DOCK6: variants seen among roughly 807,000 people sequenced by gnomAD.
DOCK6 encodes dedicator of cytokinesis 6, also known as dedicator of cytokinesis protein 6.
Under a neutral mutation model 230.3 loss-of-function variants are expected in DOCK6, and 167 were observed. The observed-to-expected ratio is 0.73, with a 90% CI of 0.64 to 0.82. The LOEUF is 0.82. Among genes scored for constraint, DOCK6 ranks in the 40% least tolerant of loss-of-function variants. The probability of loss-of-function intolerance (pLI) is 0.00; values close to 1 mark genes in which losing one functional copy is unlikely to be tolerated. For missense variants in DOCK6, 2,598 were observed against 2,825.8 expected (o/e 0.92, Z 1.83); for synonymous variants, 1,148 against 1,185.0 (o/e 0.97, Z 0.64).
At chr19:11,208,457 T>A in intron 39 of DOCK6, 1 of 447,280 alleles carries the variant, frequency 2.2e-6, no homozygotes, top group Non-Finnish European at 3.9e-6. Context: ...ATTTTTGTAT[T>A]TTTAGTAGAG....
In DOCK6 at chr19:11,235,476, C is replaced by G. The variant is rs1221887826; in HGVS notation, c.2554+122G>C. 12 of 1,006,718 alleles carry G rather than the reference C, an allele frequency of 1.2e-5. No individual in the cohort carries two copies. In the Admixed American group the frequency reaches 3.5e-4, roughly 30 times the overall value. The allele number at this position is 1,006,718 out of a possible 1,614,324, so 62.4% of individuals were successfully genotyped here. A position where few individuals can be genotyped will look rare whatever the true frequency, so the allele number is the denominator to read the frequency against. On this transcript the variant is annotated intron_variant, in intron 21 of 47. Coordinates refer to ENST00000294618, the MANE Select transcript of DOCK6 (RefSeq NM_020812.4). ...ATGTTGGCCAAGTTGATCTCGAACTCCTGACCTCAAATGATCCATCCAGCT... is the reference window on the plus strand; with the variant it reads ...ATGTTGGCCAAGTTGATCTCGAACTGCTGACCTCAAATGATCCATCCAGCT...
chr19:11,199,604 C>T, intron 47 of DOCK6, 65 bp from the exon 48 acceptor site: 1 of 1,490,882 alleles, frequency 6.7e-7, no homozygotes, highest in Non-Finnish European at 9.2e-7. Context: ...ACCTCCCAGC[C>T]CACATCCTCT....
In DOCK6 at chr19:11,201,477, C is replaced by T. The variant is rs1457031137; in HGVS notation, c.5688+412G>A. 6.6e-6 allele frequency among the ~76,000 whole-genome samples: 1 copy of T among 151,346 alleles called. No individual in the cohort carries two copies. The highest frequency in any genetic ancestry group is 1.5e-5 in the Non-Finnish European group (1 of 67,844). ...GCCTCCCCTTTGTGAGTCTAGAATCCCTGGGTCCTCCTGGGTCTGGAGGTA... is the reference window on the plus strand; with the variant it reads ...GCCTCCCCTTTGTGAGTCTAGAATCTCTGGGTCCTCCTGGGTCTGGAGGTA... On this transcript the variant is annotated intron_variant, in intron 44 of 47. Coordinates refer to ENST00000294618, the MANE Select transcript of DOCK6 (RefSeq NM_020812.4). The surrounding 1 kb of genome is among the most constrained non-coding windows in gnomAD (Gnocchi z 4.3).
chr19:11,217,399 G>A lies in DOCK6; in HGVS notation c.3551-8C>T, dbSNP rs1191469253. The A allele has an allele frequency of 1.9e-6, 3 of 1,611,528 alleles. No homozygotes were observed. The highest frequency in any genetic ancestry group is 2.2e-5 in the South Asian group (2 of 90,612). ...ACCGCTGACCTGGGCCCTCTGGCAG[G>A]GAAAGACAGAGGGAAAGAAAGATAA... is the stretch of plus-strand genomic sequence containing the variant. On this transcript the variant is annotated splice_region_variant and splice_polypyrimidine_tract_variant and intron_variant, in intron 28 of 47. Transcript: ENST00000294618.
chr19:11,205,552 C>T (rs187339209), intron 39 of DOCK6, among the ~76,000 whole-genome samples: 3 of 152,278 alleles, frequency 2.0e-5, no homozygotes, highest in South Asian at 4.1e-4. Context: ...ACCATATTGG[C>T]CAGGCTGGTC....
intron 1 of DOCK6, among the ~76,000 whole-genome samples, chr19:11,261,127 G>A (rs1409075331): frequency 6.6e-6 from 1 of 151,860 alleles, no homozygotes; most frequent in Non-Finnish European, 1.5e-5. Flanking sequence ...CAAAGTCAAA[G>A]TCCCTTGCAC....
At chr19:11,224,215 T>TCTCTCTCTCTCTCTCTCTC (rs2079627621) in intron 24 of DOCK6, among the ~76,000 whole-genome samples, 1 of 143,474 alleles carries the variant, frequency 7.0e-6, no homozygotes, top group African/African-American at 2.5e-5. Flanking sequence ...TCTTTCTTTC[T>TCTCTCTCTCTCTCTCTCTC]TTTTTTTTTT....
At chr19:11,257,296 C>A (rs2080213025) in intron 1 of DOCK6, among the ~76,000 whole-genome samples, 1 of 148,726 alleles carries the variant, frequency 6.7e-6, no homozygotes, top group Non-Finnish European at 1.5e-5. Context: ...TGTGCCTGGC[C>A]TCTGACCCTG....
chr19:11,226,299 G>C (rs998056917), intron 24 of DOCK6, among the ~76,000 whole-genome samples: 2 of 152,170 alleles, frequency 1.3e-5, no homozygotes, highest in African/African-American at 4.8e-5. Flanking sequence ...CGATGCCTCA[G>C]TTTCCCCATC....
intron 1 of DOCK6, among the ~76,000 whole-genome samples, chr19:11,261,915 C>T (rs367742083): frequency 4.6e-5 from 7 of 151,878 alleles, no homozygotes; most frequent in Admixed American, 2.6e-4. Flanking sequence ...GGGTTTCAAA[C>T]GCCACCAAGG....
At chr19:11,205,370 A>ATT (rs913815037) in intron 39 of DOCK6, among the ~76,000 whole-genome samples, 1 of 146,422 alleles carries the variant, frequency 6.8e-6, no homozygotes, top group Non-Finnish European at 1.5e-5. Context: ...CCACCCGTGT[A>ATT]TTTTTTTTTT....
chr19:11,256,224 C>T (rs1436151142), intron 1 of DOCK6, among the ~76,000 whole-genome samples: 2 of 152,170 alleles, frequency 1.3e-5, no homozygotes, highest in Non-Finnish European at 1.5e-5. Flanking sequence ...CTGCTGCCTC[C>T]AGAACCGTGG....
intron 7 of DOCK6, among the ~76,000 whole-genome samples, chr19:11,246,916 C>T (rs1224990345): frequency 2.0e-5 from 3 of 152,166 alleles, no homozygotes; most frequent in African/African-American, 4.8e-5. Context: ...TCAGCCAGCT[C>T]CTCTTCCTCA....
intron 1 of DOCK6, among the ~76,000 whole-genome samples, chr19:11,261,987 G>A (rs2080298125): frequency 6.6e-6 from 1 of 152,186 alleles, no homozygotes; most frequent in Non-Finnish European, 1.5e-5. Context: ...CAGGCACTGA[G>A]GAAGGAACAG....
intron 1 of DOCK6, 119 bp downstream of exon 1, chr19:11,262,278 A>C: frequency 3.4e-6 from 2 of 581,096 alleles, no homozygotes; most frequent in Non-Finnish European, 4.5e-6. Context: ...AGCTGGCGGG[A>C]CCCGGGCCGA....
rs551001009 is a variant in DOCK6, at chr19:11,253,014, C to T, written c.133-56G>A. ...CTACCTAGGAGGCTGAGAGTGGGGG[C>T]ACGAGGCAGGGGTGGGTGCGCGCTG... On this transcript the variant is annotated intron_variant, in intron 2 of 47. Transcript: ENST00000294618. 19 of 1,529,286 alleles carry T rather than the reference C, an allele frequency of 1.2e-5. No individual in the cohort carries two copies. In the African/African-American group the frequency reaches 2.5e-4, roughly 20 times the overall value. The allele number at this position is 1,529,286 out of a possible 1,614,324, so 94.7% of individuals were successfully genotyped here. A position where few individuals can be genotyped will look rare whatever the true frequency, so the allele number is the denominator to read the frequency against.
At chr19:11,229,574 GA>G (rs2079730579) in intron 22 of DOCK6, among the ~76,000 whole-genome samples, 1 of 151,634 alleles carries the variant, frequency 6.6e-6, no homozygotes, top group Non-Finnish European at 1.5e-5. Flanking sequence ...GGACAGGCAA[GA>G]AAGAGAGATG....
chr19:11,243,938 G>T lies in DOCK6; in HGVS notation c.1024-56C>A. The T allele has an allele frequency of 1.3e-6, 2 of 1,552,796 alleles. No homozygotes were observed. The highest frequency in any genetic ancestry group is 1.7e-6 in the Non-Finnish European group (2 of 1,145,238). ...CGCTGCCCGAACGCTCTGTTCCCCC[G>T]TGCTGGCTCCCCAGCCTCCTGGACC... On this transcript the variant is annotated intron_variant, in intron 9 of 47. Transcript: ENST00000294618. This position sits in a 1 kb window ranked among gnomAD's most constrained non-coding sequence, Gnocchi z 6.3.
chr19:11,225,562 C>T (rs1254270226), intron 24 of DOCK6, among the ~76,000 whole-genome samples: 2 of 152,004 alleles, frequency 1.3e-5, no homozygotes, highest in African/African-American at 4.8e-5. Flanking sequence ...TATGGTAGCA[C>T]GCACCTGTAG....
Sources: allele counts gnomAD v4.1 joint callset (sites outside exome capture counted in the v4.1 genomes callset), GRCh38; gene constraint gnomAD v4.1.1; non-coding constraint Gnocchi (gnomAD v3.1); transcripts MANE v1.5; gene names NCBI Gene and HGNC (gene_info 2026-07-23, HGNC 2026-07-21).